DBN1: variants seen among roughly 807,000 people sequenced by gnomAD.
The protein encoded by DBN1 is drebrin 1.
DBN1 carries 21 observed loss-of-function variants against 83.5 expected under a neutral mutation model. The observed-to-expected ratio is 0.25, with a 90% CI of 0.18 to 0.36. The LOEUF (loss-of-function observed/expected upper bound fraction) is 0.36. DBN1 is among the 10% of genes least tolerant of loss of function. The pLI is 1.00. For missense variants in DBN1, 874 were observed against 935.7 expected, an observed-to-expected ratio of 0.93 and a Z score of 0.86; for synonymous variants, 381 against 384.9, an observed-to-expected ratio of 0.99 and a Z score of 0.12.
In DBN1 at chr5:177,458,541, G is replaced by A; in HGVS notation, c.1431C>T (p.Val477=). Residue 477 remains valine, a synonymous_variant, in exon 13 of 15, where the codon GTC becomes GTT. Transcript: ENST00000393565. ...LMFMESAEQA[V]LAAPVEPATA... is the part of the protein sequence containing the mutation. ...TGGCAGGCTCCACGGGAGCAGCCAG[G>A]ACAGCCTGCTCTGCAGACTCCATGA... 1 of 1,614,174 alleles carries A rather than the reference G, an allele frequency of 6.2e-7. No homozygotes were observed. The highest frequency in any genetic ancestry group is 8.5e-7 in the Non-Finnish European group (1 of 1,180,008).
At chr5:177,460,778 T>C in intron 8 of DBN1, 75 bp from the exon 9 acceptor site, 1 of 1,459,076 alleles carries the variant, frequency 6.9e-7, no homozygotes, top group Non-Finnish European at 9.4e-7. Flanking sequence ...TACTGTATTT[T>C]ATTTATTGAT....
rs117321052 is a variant in DBN1, at chr5:177,468,963, C to T, written c.87-64G>A. 1.5e-4 allele frequency: 165 copies of T among 1,092,660 alleles called. 1 individual carries two copies. The East Asian group carries it at 3.1e-3, about 20-fold the overall frequency. The allele number at this position is 1,092,660 out of a possible 1,614,324, so 67.7% of individuals were successfully genotyped here. ...CCAGGCCGCCAATTCTGGGTGGGGA[C>T]GGCTCTGGGGAGGGAGAGGGACATG... On this transcript the variant is annotated intron_variant, in intron 1 of 14. Coordinates refer to ENST00000393565, the MANE Select transcript of DBN1 (RefSeq NM_001363541.2).
Position 177,460,501 on chromosome 5 carries a change from G to A in DBN1, c.886C>T (p.Gln296Ter). 1 of 1,614,172 alleles carries A rather than the reference G, an allele frequency of 6.2e-7. No individual in the cohort carries two copies. Among genetic ancestry groups the A allele is most frequent in the Non-Finnish European group, 8.5e-7 (1 of 1,180,026 alleles). ...RPDNPREFFK[Q>*]QERVASASAG... ...GAGGCCGATGCGACTCTTTCCTGCTGCTTGAAGAACTCCCTTGGGTTGTCA... is the reference window on the plus strand; with the variant it reads ...GAGGCCGATGCGACTCTTTCCTGCTACTTGAAGAACTCCCTTGGGTTGTCA... Residue 296 changes from glutamine (Q) to a stop codon, truncating the protein, a stop_gained, in exon 10 of 15, where the codon CAG (glutamine) becomes TAG (stop). Transcript: ENST00000393565. LOFTEE classifies it high-confidence loss of function.
chr5:177,463,641 A>G (rs335467), intron 8 of DBN1, among the ~76,000 whole-genome samples: 64,420 of 152,068 alleles, frequency 0.42, 14,757 homozygotes, highest in Non-Finnish European at 0.54. Context: ...AAAGGGTACC[A>G]CACTGACCTG....
At position 177,466,894 on chromosome 5, in the gene DBN1, C is replaced by G; in HGVS notation, c.707+17G>C. The G allele has an allele frequency of 6.2e-7, 1 of 1,613,332 alleles. No homozygotes were observed. The highest frequency in any genetic ancestry group is 8.5e-7 in the Non-Finnish European group (1 of 1,179,768). On this transcript the variant is annotated intron_variant, in intron 7 of 14. Transcript: ENST00000393565. The surrounding 1 kb of genome is among the most constrained non-coding windows in gnomAD (Gnocchi z 4.8). ...GCGCCCGGGGGCCCCTGGAGCGCTC[C>G]GGGCGGGCAGGCTCACCTGTGCTCC...
At chr5:177,470,825 C>G (rs1296449119) in intron 1 of DBN1, among the ~76,000 whole-genome samples, 1 of 152,218 alleles carries the variant, frequency 6.6e-6, no homozygotes, top group Non-Finnish European at 1.5e-5. Context: ...ATCAGAGGCA[C>G]CCCGAGCCTG....
rs1342535554 is a variant in DBN1, at chr5:177,467,756, G to A, written c.317C>T (p.Ala106Val). The A allele has an allele frequency of 6.4e-7, 1 of 1,553,856 alleles. No individual in the cohort carries two copies. Among genetic ancestry groups the A allele is most frequent in the Non-Finnish European group, 8.7e-7 (1 of 1,148,602 alleles). ...CACASHVAKV[A>V]EFFQGVDVIV... ...CCTGACACGCACCTGGAAGAACTCC[G>A]CCACCTTAGCCACGTGGCTGGCACA... The change falls in exon 4 of 15, where the codon GCG becomes GTG. Residue 106 changes from alanine to valine, a missense_variant. Physicochemically the swap from Ala to Val is moderately conservative, Grantham distance 64. Transcript: ENST00000393565. This position sits in a 1 kb window ranked among gnomAD's most constrained non-coding sequence, Gnocchi z 9.1.
Position 177,466,787 on chromosome 5 carries a change from C to T in DBN1, c.756G>A (p.Lys252=), listed in dbSNP as rs1192029932. 10 of 1,614,078 alleles carry T rather than the reference C, an allele frequency of 6.2e-6. No individual in the cohort carries two copies. The highest frequency in any genetic ancestry group is 5.9e-6 in the Non-Finnish European group (7 of 1,180,030). Reference sequence around the variant, plus strand: ...AAGAACTTACAAAGATAGACTGCTCCTTCAACCGCCTCTTGGCCTCTTCCG... The same window carrying T: ...AAGAACTTACAAAGATAGACTGCTCTTTCAACCGCCTCTTGGCCTCTTCCG... ...LEAEEAKRRL[K]EQSIFGDHRD... is the part of the protein sequence containing the mutation. Residue 252 remains lysine (K), a synonymous_variant, in exon 8 of 15, where the codon AAG becomes AAA. Transcript: ENST00000393565. The surrounding 1 kb of genome is among the most constrained non-coding windows in gnomAD (Gnocchi z 4.8).
chr5:177,463,123 G>A (rs1307344151), intron 8 of DBN1, among the ~76,000 whole-genome samples: 3 of 151,650 alleles, frequency 2.0e-5, no homozygotes, highest in African/African-American at 4.9e-5. Flanking sequence ...TGCAAGCTCC[G>A]CCTCCCGGGT....
intron 1 of DBN1, among the ~76,000 whole-genome samples, chr5:177,471,688 C>T (rs765652481): frequency 4.6e-5 from 7 of 152,080 alleles, no homozygotes; most frequent in African/African-American, 7.2e-5. Context: ...TGTGCATGTG[C>T]GAGGGTACAT....
chr5:177,456,661 G>C lies in DBN1; in HGVS notation c.*772C>G, dbSNP rs939087444. ...GACATGAGCACGACCCGTTACAGAA[G>C]TTTGTGCTTTCCAAAAAAAAAAAAA... On this transcript the variant is annotated 3_prime_UTR_variant, in exon 15 of 15. Transcript: ENST00000393565. The C allele has an allele frequency of 9.7e-6, 1 of 102,580 alleles. No homozygotes were observed. Among genetic ancestry groups the C allele is most frequent in the South Asian group, 3.6e-4 (1 of 2,808 alleles). 6.4% of individuals were successfully genotyped at this position (102,580 alleles called of 1,614,324 possible).
Position 177,466,742 on chromosome 5 carries a change from A to C in DBN1, c.771+30T>G. The C allele has an allele frequency of 6.2e-7, 1 of 1,612,888 alleles. No homozygotes were observed. Among genetic ancestry groups the C allele is most frequent in the Non-Finnish European group, 8.5e-7 (1 of 1,178,842 alleles). ...GGGACCATTCTCACTTCCCTGACCC[A>C]GAGACCGGGAGCCTTGGCAAAGAAC... On this transcript the variant is annotated intron_variant, in intron 8 of 14. Transcript: ENST00000393565. This position sits in a 1 kb window ranked among gnomAD's most constrained non-coding sequence, Gnocchi z 4.8.
intron 1 of DBN1, among the ~76,000 whole-genome samples, chr5:177,471,121 G>A (rs994245131): frequency 6.6e-6 from 1 of 152,136 alleles, no homozygotes; most frequent in Non-Finnish European, 1.5e-5. Flanking sequence ...GAATGTGGCA[G>A]TTCCAGAGAC....
chr5:177,464,955 C>G (rs373812875), intron 8 of DBN1, among the ~76,000 whole-genome samples: 1 of 151,654 alleles, frequency 6.6e-6, no homozygotes, highest in Non-Finnish European at 1.5e-5. Flanking sequence ...GAGATCGAGA[C>G]CACCCTGGCT....
At position 177,472,153 on chromosome 5, in the gene DBN1, C is replaced by T. The variant is rs1360408998; in HGVS notation, c.86+1283G>A. On this transcript the variant is annotated intron_variant, in intron 1 of 14. Transcript: ENST00000393565. ...ACGAGAGCTTGTCTCTCGCGTCCAT[C>T]CCTCCAGGCCTGGCTGCTGGCCAGT... is the stretch of plus-strand genomic sequence containing the variant. The T allele has an allele frequency of 1.2e-6, 2 of 1,612,782 alleles. No homozygotes were observed. The highest frequency in any genetic ancestry group is 1.3e-5 in the African/African-American group (1 of 74,792).
Position 177,458,447 on chromosome 5 carries a change from T to C in DBN1, c.1525A>G (p.Thr509Ala). ...GCGGGGGGTACGTTGTTGGCAACAG[T>C]GGTGTCAGCAGTGGCAGTGTCAGTT... ...IETDTATADT[T>A]VANNVPPAAT... Residue 509 changes from threonine (T) to alanine (A), a missense_variant, in exon 13 of 15, where the codon ACT (threonine) becomes GCT (alanine). This residue lies in a region of DBN1 where 725 missense variants were observed against 719.7 expected (regional missense o/e 1.01). Transcript: ENST00000393565. 1 of 1,614,064 alleles carries C rather than the reference T, an allele frequency of 6.2e-7. No homozygotes were observed.
chr5:177,458,016 C>T (rs1756677940), intron 13 of DBN1, 42 bp downstream of exon 13: 1 of 1,612,214 alleles, frequency 6.2e-7, no homozygotes, highest in Non-Finnish European at 8.5e-7. Context: ...TGCTCAGCCC[C>T]CACTCCCTCC....
At chr5:177,468,523 G>A (rs763507002) in intron 2 of DBN1, 21 of 478,684 alleles carry the variant, frequency 4.4e-5, no homozygotes, top group Non-Finnish European at 6.3e-5. Flanking sequence ...CCAGTGCCCA[G>A]AGGCACAATC....
At chr5:177,464,930 A>G (rs557493683) in intron 8 of DBN1, among the ~76,000 whole-genome samples, 2,131 of 152,174 alleles carry the variant, frequency 0.014, 31 homozygotes, top group South Asian at 0.027. Flanking sequence ...TGAGGTGGGC[A>G]GATCATGAGG....
Sources: allele counts gnomAD v4.1 joint callset (sites outside exome capture counted in the v4.1 genomes callset), GRCh38; gene constraint gnomAD v4.1.1; regional missense constraint gnomAD v4.1.1; non-coding constraint Gnocchi (gnomAD v3.1); transcripts MANE v1.5; gene names NCBI Gene and HGNC (gene_info 2026-07-23, HGNC 2026-07-21).